Variants in CALN1 observed in about 807,000 individuals in gnomAD.
CALN1 encodes calneuron 1, also known as calcium-binding protein 8.
A neutral mutation model predicts 30.6 loss-of-function variants in CALN1; 17 were observed. The observed-to-expected ratio is 0.56, with a 90% CI of 0.38 to 0.83. The LOEUF is 0.83. Ranked by LOEUF, CALN1 falls within the 40% of genes least tolerant of loss-of-function variation. The probability of loss-of-function intolerance (pLI) is 0.00; values close to 1 mark genes in which losing one functional copy is unlikely to be tolerated. For missense variants in CALN1, 291 were observed against 354.9 expected (o/e 0.82, Z 1.45); for synonymous variants, 156 against 131.4 (o/e 1.19, Z -1.28).
At chr7:72,018,652 T>C (rs1424869552) in intron 5 of CALN1, among the ~76,000 whole-genome samples, 1 of 152,126 alleles carries the variant, frequency 6.6e-6, no homozygotes, top group Non-Finnish European at 1.5e-5. Flanking sequence ...AAGCCGCATT[T>C]GTAGCCAACT....
intron 5 of CALN1, among the ~76,000 whole-genome samples, chr7:71,968,305 T>C (rs1296991320): frequency 2.0e-5 from 3 of 152,204 alleles, no homozygotes; most frequent in African/African-American, 7.2e-5. Flanking sequence ...ACTGTTTCAT[T>C]CTATTTCTGT....
intron 2 of CALN1, among the ~76,000 whole-genome samples, chr7:72,279,260 T>C (rs189591512): frequency 2.0e-5 from 3 of 152,308 alleles, no homozygotes; most frequent in East Asian, 3.9e-4. Flanking sequence ...AAATGTCTCA[T>C]TTCTCCCAGA....
intron 2 of CALN1, among the ~76,000 whole-genome samples, chr7:72,323,901 G>A (rs570041545): frequency 3.9e-5 from 6 of 151,922 alleles, no homozygotes; most frequent in South Asian, 2.1e-4. Flanking sequence ...AAAATTAGCC[G>A]GGTGCTGTGG....
intron 5 of CALN1, among the ~76,000 whole-genome samples, chr7:71,888,657 T>C (rs1409775256): frequency 1.3e-5 from 2 of 151,738 alleles, no homozygotes; most frequent in African/African-American, 4.8e-5. Context: ...CATATGGCAA[T>C]AGGTTGGGTG....
At chr7:71,982,060 G>A (rs1798427207) in intron 5 of CALN1, among the ~76,000 whole-genome samples, 1 of 152,106 alleles carries the variant, frequency 6.6e-6, no homozygotes, top group African/African-American at 2.4e-5. Flanking sequence ...TTGACTTCTA[G>A]CTTTCTCTCT....
intron 6 of CALN1, among the ~76,000 whole-genome samples, chr7:71,806,720 A>ACCC (rs149827306): frequency 3.4e-5 from 5 of 148,346 alleles, no homozygotes; most frequent in Non-Finnish European, 7.5e-5. Context: ...GGTCTGAAGG[A>ACCC]CCCCCCCCCA....
chr7:72,202,355 T>C (rs993073079), intron 3 of CALN1, among the ~76,000 whole-genome samples: 1 of 152,042 alleles, frequency 6.6e-6, no homozygotes, highest in Non-Finnish European at 1.5e-5. Flanking sequence ...ATAATAAATT[T>C]TTCAGAATAG....
At chr7:72,069,755 T>C (rs1421571782) in intron 4 of CALN1, among the ~76,000 whole-genome samples, 2 of 152,216 alleles carry the variant, frequency 1.3e-5, no homozygotes, top group East Asian at 3.9e-4. Flanking sequence ...TTGATATCTT[T>C]GGGAGGCCAT....
At chr7:72,246,723 A>AG (rs1413852134) in intron 3 of CALN1, among the ~76,000 whole-genome samples, 5 of 149,912 alleles carry the variant, frequency 3.3e-5, no homozygotes, top group Non-Finnish European at 7.4e-5. Flanking sequence ...CCTCACAGTT[A>AG]GGCCAATGAT....
chr7:72,309,705 C>A (rs1388041930), intron 2 of CALN1, among the ~76,000 whole-genome samples: 1 of 152,104 alleles, frequency 6.6e-6, no homozygotes, highest in Non-Finnish European at 1.5e-5. Flanking sequence ...CGTCTCCTGT[C>A]CCACAGCCGG....
At chr7:72,298,529 C>A (rs1185170262) in intron 2 of CALN1, among the ~76,000 whole-genome samples, 1 of 152,178 alleles carries the variant, frequency 6.6e-6, no homozygotes, top group Non-Finnish European at 1.5e-5. Context: ...GTCTTGGGGT[C>A]TACTTGGGCC....
At chr7:72,067,744 C>G (rs918300570) in intron 4 of CALN1, among the ~76,000 whole-genome samples, 6 of 152,206 alleles carry the variant, frequency 3.9e-5, no homozygotes, top group African/African-American at 1.4e-4. Context: ...TGGCATGCCT[C>G]TCTCATGTAC....
intron 4 of CALN1, among the ~76,000 whole-genome samples, chr7:72,041,218 G>C (rs747798112): frequency 2.0e-5 from 3 of 152,078 alleles, no homozygotes; most frequent in Non-Finnish European, 2.9e-5. Flanking sequence ...GAGATCAAGG[G>C]ACACCTCCAA....
intron 5 of CALN1, among the ~76,000 whole-genome samples, chr7:71,995,402 C>G (rs1158254082): frequency 6.6e-6 from 1 of 152,226 alleles, no homozygotes; most frequent in African/African-American, 2.4e-5. Flanking sequence ...TATTTTGGGG[C>G]TGCTTTTTGT....
intron 3 of CALN1, among the ~76,000 whole-genome samples, chr7:72,177,329 G>A (rs1389305920): frequency 6.6e-6 from 1 of 152,116 alleles, no homozygotes; most frequent in Non-Finnish European, 1.5e-5. Context: ...AAGACATCCC[G>A]GGCTATGTCA....
intron 3 of CALN1, among the ~76,000 whole-genome samples, chr7:72,229,966 C>T (rs1266085171): frequency 6.6e-6 from 1 of 151,736 alleles, no homozygotes; most frequent in African/African-American, 2.4e-5. Flanking sequence ...CAGGGTGAAA[C>T]CCCGTCTCTA....
the CALN1 span, among the ~76,000 whole-genome samples, chr7:72,460,427 T>C: frequency 6.6e-6 from 1 of 151,286 alleles, no homozygotes; most frequent in East Asian, 1.9e-4. Context: ...AGGTCAGGAG[T>C]TCGAGACCAG....
intron 1 of CALN1, among the ~76,000 whole-genome samples, chr7:72,436,270 AT>A (rs1317089874): frequency 6.6e-6 from 1 of 152,138 alleles, no homozygotes; most frequent in Non-Finnish European, 1.5e-5. Context: ...CATGGAGGTG[AT>A]TTCCCCCATT....
At chr7:72,066,267 T>C in intron 4 of CALN1, among the ~76,000 whole-genome samples, 1 of 152,310 alleles carries the variant, frequency 6.6e-6, no homozygotes, top group South Asian at 2.1e-4. Flanking sequence ...GCTAAAACTT[T>C]TCAACACAAT....
Sources: gnomAD v4.1 joint callset for allele counts (sites outside exome capture counted in the v4.1 genomes callset) on GRCh38, gnomAD v4.1.1 for gene constraint, MANE v1.5 for transcripts, NCBI Gene and HGNC (gene_info 2026-07-23, HGNC 2026-07-21) for gene names.